Variants in ADGRL2 observed in about 807,000 individuals in gnomAD.
The protein encoded by ADGRL2 is calcium-independent alpha-latrotoxin receptor 2.
Under a neutral mutation model 157.4 loss-of-function variants are expected in ADGRL2, and 44 were observed. The observed-to-expected ratio is 0.28, with a 90% CI of 0.22 to 0.36. The LOEUF (loss-of-function observed/expected upper bound fraction) is 0.36, where lower values mean the gene tolerates loss of function less well. ADGRL2 is among the 10% of genes least tolerant of loss of function. The probability of loss-of-function intolerance (pLI) is 1.00; values close to 1 mark genes in which losing one functional copy is unlikely to be tolerated. For missense variants in ADGRL2, 1,510 were observed against 1,768.9 expected, an observed-to-expected ratio of 0.85 and a Z score of 2.63; for synonymous variants, 585 against 624.7, an observed-to-expected ratio of 0.94 and a Z score of 0.95.
rs1553159646 is a variant in ADGRL2, at chr1:81,383,825, A to AAG, written c.-301-61206_-301-61205dup. On this transcript the variant is annotated intron_variant, in intron 1 of 24. Transcript: ENST00000370721. ...TAAAAATACAAAAAAAAAAAAAAAAAAGAGAGCCGGGCGTGGTACTTGGGA... is the reference window on the plus strand; with the variant it reads ...TAAAAATACAAAAAAAAAAAAAAAAAAGAGAGAGCCGGGCGTGGTACTTGGGA... Among the ~76,000 whole-genome samples the AAG allele has an allele frequency of 1.5e-3, 210 of 143,980 alleles. 2 individuals are homozygous for AAG. The highest frequency in any genetic ancestry group is 2.4e-3 in the Admixed American group (34 of 14,220). 94.5% of individuals were successfully genotyped at this position (143,980 alleles called of 152,430 possible). A position where few individuals can be genotyped will look rare whatever the true frequency, so the allele number is the denominator to read the frequency against.
chr1:81,851,405 AATG>A (rs975087043), intron 2 of ADGRL2, among the ~76,000 whole-genome samples: 5 of 151,874 alleles, frequency 3.3e-5, no homozygotes, highest in Non-Finnish European at 7.4e-5. Context: ...ATCAGTTAAA[AATG>A]ATGAGTAATG....
intron 2 of ADGRL2, among the ~76,000 whole-genome samples, chr1:81,554,474 C>T (rs1300536130): frequency 6.6e-6 from 1 of 150,804 alleles, no homozygotes; most frequent in Non-Finnish European, 1.5e-5. Context: ...TTAGCTATTA[C>T]TTTCTCTTTT....
intron 1 of ADGRL2, among the ~76,000 whole-genome samples, chr1:81,401,031 C>T (rs536675994): frequency 6.6e-6 from 1 of 152,276 alleles, no homozygotes; most frequent in South Asian, 2.1e-4. Context: ...TTCTGAACAG[C>T]TCAGGTACTA....
At chr1:81,667,922 A>G (rs1471985531) in intron 3 of ADGRL2, among the ~76,000 whole-genome samples, 2 of 152,216 alleles carry the variant, frequency 1.3e-5, no homozygotes. Flanking sequence ...GATTTAGGTA[A>G]CTTGATTTAA....
intron 2 of ADGRL2, among the ~76,000 whole-genome samples, chr1:81,511,240 A>T (rs1057136884): frequency 5.9e-5 from 9 of 152,014 alleles, no homozygotes; most frequent in Non-Finnish European, 7.4e-5. Flanking sequence ...CTTTCTTTGA[A>T]TTAAAGCCAC....
At chr1:81,703,403 G>T (rs936369227) in intron 1 of ADGRL2, among the ~76,000 whole-genome samples, 3 of 152,138 alleles carry the variant, frequency 2.0e-5, no homozygotes, top group Non-Finnish European at 4.4e-5. Context: ...AGTTATGCTA[G>T]CTAGAGAGTT....
intron 3 of ADGRL2, among the ~76,000 whole-genome samples, chr1:81,600,254 A>T (rs560624482): frequency 6.6e-6 from 1 of 152,352 alleles, no homozygotes; most frequent in Admixed American, 6.5e-5. Flanking sequence ...TGGATGGCAA[A>T]GCCTTGAATT....
At position 81,379,095 on chromosome 1, in the gene ADGRL2, C is replaced by T. The variant is rs116688763; in HGVS notation, c.-301-65941C>T. Among the ~76,000 whole-genome samples the T allele has an allele frequency of 7.5e-3, 1,135 of 152,214 alleles. 13 individuals are homozygous for T. The highest frequency in any genetic ancestry group is 0.025 in the African/African-American group (1,019 of 41,536). On this transcript the variant is annotated intron_variant, in intron 1 of 24. Transcript: ENST00000370721. ...AGGCTCCTCATTCTCTACCTCCTTC[C>T]CCACCACCAAGCCACCTGTGCACAG...
At chr1:81,966,280 G>T in intron 12 of ADGRL2, 97 bp downstream of exon 12, 1 of 1,543,932 alleles carries the variant, frequency 6.5e-7, no homozygotes, top group Non-Finnish European at 8.8e-7. Context: ...ACAAAAAAAC[G>T]GCTTACCATT....
chr1:81,674,205 C>G (rs1292574063), intron 3 of ADGRL2, among the ~76,000 whole-genome samples: 1 of 152,118 alleles, frequency 6.6e-6, no homozygotes, highest in Non-Finnish European at 1.5e-5. Context: ...ATAAACAAAA[C>G]TTGGGTTCAC....
At chr1:81,644,697 C>A (rs1316001313) in intron 3 of ADGRL2, among the ~76,000 whole-genome samples, 1 of 152,108 alleles carries the variant, frequency 6.6e-6, no homozygotes, top group Non-Finnish European at 1.5e-5. Context: ...CTAATGTAAA[C>A]TATGGACTCC....
intron 3 of ADGRL2, among the ~76,000 whole-genome samples, chr1:81,931,320 A>C (rs998328891): frequency 3.3e-5 from 5 of 152,192 alleles, no homozygotes; most frequent in Non-Finnish European, 2.9e-5. Context: ...TTTGAACTTA[A>C]TATTAAAAGG....
intron 2 of ADGRL2, among the ~76,000 whole-genome samples, chr1:81,857,805 C>A (rs977481428): frequency 2.6e-5 from 4 of 151,930 alleles, no homozygotes; most frequent in African/African-American, 7.3e-5. Context: ...TTTAAAAATC[C>A]ATTTTTTGGC....
chr1:81,748,755 C>T (rs937875670), intron 1 of ADGRL2, among the ~76,000 whole-genome samples: 3 of 151,888 alleles, frequency 2.0e-5, no homozygotes, highest in Non-Finnish European at 4.4e-5. Context: ...GCAACCTCCA[C>T]CTCCCGGGTT....
In ADGRL2 at chr1:81,991,576, A is replaced by G. The variant is rs1443811225; in HGVS notation, c.*431A>G. On this transcript the variant is annotated 3_prime_UTR_variant, in exon 24 of 24. Transcript: ENST00000686636. ...CTGTGGGACAAATTTACTGTACCTTACTATTCCTGACAAGACTTGGAAAAG... is the reference window on the plus strand; with the variant it reads ...CTGTGGGACAAATTTACTGTACCTTGCTATTCCTGACAAGACTTGGAAAAG... 1 of 155,282 alleles carries G rather than the reference A, an allele frequency of 6.4e-6. No homozygotes were observed. Among genetic ancestry groups the G allele is most frequent in the Non-Finnish European group, 1.4e-5 (1 of 69,792 alleles). 9.6% of individuals were successfully genotyped at this position (155,282 alleles called of 1,614,324 possible).
chr1:81,798,163 A>T (rs531208139), upstream of ADGRL2, among the ~76,000 whole-genome samples: 2 of 152,148 alleles, frequency 1.3e-5, no homozygotes, highest in African/African-American at 4.8e-5. Flanking sequence ...TTTTTCTACC[A>T]TAACACCTGT....
intron 1 of ADGRL2, among the ~76,000 whole-genome samples, chr1:81,818,935 A>C (rs1006745252): frequency 2.6e-5 from 4 of 152,162 alleles, no homozygotes; most frequent in Non-Finnish European, 5.9e-5. Context: ...GGCACAGGAA[A>C]GGTAAAAATA....
intron 1 of ADGRL2, among the ~76,000 whole-genome samples, chr1:81,754,298 G>C (rs555550519): frequency 6.8e-6 from 1 of 146,952 alleles, no homozygotes; most frequent in African/African-American, 2.5e-5. Context: ...TGTAGCTTTG[G>C]AAACATAGAC....
intron 1 of ADGRL2, among the ~76,000 whole-genome samples, chr1:81,343,087 C>CT (rs764039251): frequency 0.31 from 38,962 of 125,362 alleles, 6,331 homozygotes; most frequent in African/African-American, 0.38. Flanking sequence ...TTTCTTTTTT[C>CT]TTTTCTTTTT....
Sources: allele counts gnomAD v4.1 joint callset (sites outside exome capture counted in the v4.1 genomes callset), GRCh38; gene constraint gnomAD v4.1.1; transcripts MANE v1.5; gene names NCBI Gene and HGNC (gene_info 2026-07-23, HGNC 2026-07-21).